The following ADGB variants were observed in gnomAD, a reference collection of about 807,000 sequenced individuals.
ADGB encodes androglobin.
A neutral mutation model predicts 210.5 loss-of-function variants in ADGB; 172 were observed. The ratio of observed to expected loss-of-function variants is 0.82; its 90% CI spans 0.72 to 0.93. ADGB has a LOEUF of 0.93. ADGB is among the 40% of genes least tolerant of loss of function. ADGB has a pLI of 0.00. For missense variants in ADGB, 2,025 were observed against 1,964.8 expected, an observed-to-expected ratio of 1.03 and a Z score of -0.58; for synonymous variants, 658 against 662.7, an observed-to-expected ratio of 0.99 and a Z score of 0.11.
At chr6:146,729,858 T>A (rs1776954198) in intron 20 of ADGB, among the ~76,000 whole-genome samples, 1 of 152,244 alleles carries the variant, frequency 6.6e-6, no homozygotes, top group South Asian at 2.1e-4. Context: ...TAGATTCTTA[T>A]GATTCTTTGT....
At chr6:146,633,690 C>T (rs1183598247) in intron 1 of ADGB, among the ~76,000 whole-genome samples, 1 of 152,008 alleles carries the variant, frequency 6.6e-6, no homozygotes, top group Non-Finnish European at 1.5e-5. Flanking sequence ...TAGATATTTT[C>T]CTTAACCATT....
chr6:146,752,442 C>A (rs571621585), intron 26 of ADGB, 88 bp from the exon 27 acceptor site: 2 of 1,206,964 alleles, frequency 1.7e-6, no homozygotes, highest in Admixed American at 5.4e-5. Flanking sequence ...CAGATTTGGG[C>A]AGGGACATAT....
rs1217972069 is a variant in ADGB, at chr6:146,807,698, TTC to T, written c.4818+5689_4818+5690del. 33 of 906,002 alleles carry T rather than the reference TTC, an allele frequency of 3.6e-5. No individual in the cohort carries two copies. In the African/African-American group the frequency reaches 4.5e-4, roughly 12 times the overall value. 56.1% of individuals were successfully genotyped at this position (906,002 alleles called of 1,614,324 possible). Reference sequence around the variant, plus strand: ...GCCAACTGAAAATAGAAATTGTTCTTTCTTAGAAATATTTTAATGCTAACTTG... The same window carrying T: ...GCCAACTGAAAATAGAAATTGTTCTTTTAGAAATATTTTAATGCTAACTTG... On this transcript the variant is annotated intron_variant, in intron 35 of 35. Coordinates refer to ENST00000397944, the MANE Select transcript of ADGB (RefSeq NM_024694.4).
chr6:146,673,116 G>A (rs1003097265), intron 8 of ADGB, among the ~76,000 whole-genome samples: 1 of 152,160 alleles, frequency 6.6e-6, no homozygotes, highest in Non-Finnish European at 1.5e-5. Flanking sequence ...GTAGTATTCT[G>A]TTGATTTAAA....
At chr6:146,768,861 C>T (rs941426949) in intron 28 of ADGB, among the ~76,000 whole-genome samples, 159 bp from the exon 29 acceptor site, 1 of 152,060 alleles carries the variant, frequency 6.6e-6, no homozygotes, top group Non-Finnish European at 1.5e-5. Context: ...TAAAGTGTAG[C>T]GTTACAGAGT....
intron 2 of ADGB, among the ~76,000 whole-genome samples, chr6:146,641,975 G>A (rs1182026499): frequency 1.3e-5 from 2 of 152,016 alleles, no homozygotes; most frequent in East Asian, 3.9e-4. Flanking sequence ...ACAAACTACA[G>A]AATGGGAGAA....
intron 30 of ADGB, among the ~76,000 whole-genome samples, chr6:146,783,782 A>G (rs1342907505): frequency 6.6e-6 from 1 of 152,138 alleles, no homozygotes; most frequent in Non-Finnish European, 1.5e-5. Flanking sequence ...CAATAGTTTC[A>G]ATCCTCTCTT....
At chr6:146,747,725 T>C (rs1178222512) in intron 26 of ADGB, among the ~76,000 whole-genome samples, 1 of 151,610 alleles carries the variant, frequency 6.6e-6, no homozygotes, top group Non-Finnish European at 1.5e-5. Flanking sequence ...TTATGTCGCA[T>C]AGCATGAATT....
intron 18 of ADGB, 86 bp from the exon 19 acceptor site, chr6:146,725,997 G>C: frequency 1.3e-6 from 1 of 746,938 alleles, no homozygotes. Flanking sequence ...CTTCATTTGA[G>C]TTCCAAAGTG....
intron 35 of ADGB, chr6:146,807,608 C>T: frequency 1.3e-6 from 2 of 1,520,808 alleles, no homozygotes; most frequent in Non-Finnish European, 8.8e-7. Flanking sequence ...TCCAATACCA[C>T]CCTGCTTCTG....
At position 146,656,809 on chromosome 6, in the gene ADGB, G is replaced by A. The variant is rs1775788576; in HGVS notation, c.441G>A (p.Trp147Ter). 1 of 1,550,514 alleles carries A rather than the reference G, an allele frequency of 6.4e-7. No individual in the cohort carries two copies. The highest frequency in any genetic ancestry group is 1.4e-5 in the African/African-American group (1 of 72,946). Residue 147 changes from tryptophan (W) to a stop codon, truncating the protein, a stop_gained, in exon 5 of 36, where the codon TGG (tryptophan) becomes TGA (stop). Coordinates refer to ENST00000397944, the MANE Select transcript of ADGB (RefSeq NM_024694.4). LOFTEE classifies it high-confidence loss of function. ...TTATCAGTGAAATCTATGCAGTGTGGAAGATCTTCAATGGAGGAATTTTGA... is the reference window on the plus strand; with the variant it reads ...TTATCAGTGAAATCTATGCAGTGTGAAAGATCTTCAATGGAGGAATTTTGA... Reference protein sequence around the residue: ...RWIISEIYAVWKIFNGGILSN... With the variant: ...RWIISEIYAV
At chr6:146,606,447 G>A (rs2114825027) in intron 1 of ADGB, among the ~76,000 whole-genome samples, 1 of 152,218 alleles carries the variant, frequency 6.6e-6, no homozygotes, top group South Asian at 2.1e-4. Context: ...TGCTTTTGGA[G>A]CCTTCATCAT....
At chr6:146,677,175 A>C (rs974662606) in intron 9 of ADGB, among the ~76,000 whole-genome samples, 7 of 152,122 alleles carry the variant, frequency 4.6e-5, no homozygotes, top group Non-Finnish European at 8.8e-5. Flanking sequence ...GCCTTTAAAC[A>C]AATTGTATCA....
At chr6:146,648,895 G>T (rs958494438) in intron 3 of ADGB, among the ~76,000 whole-genome samples, 69 of 151,638 alleles carry the variant, frequency 4.6e-4, no homozygotes, top group African/African-American at 1.6e-3. Context: ...ATCCTTAACT[G>T]TTTATCAGAT....
intron 7 of ADGB, among the ~76,000 whole-genome samples, chr6:146,669,302 A>G (rs1192710679): frequency 6.6e-6 from 1 of 151,964 alleles, no homozygotes; most frequent in Non-Finnish European, 1.5e-5. Flanking sequence ...GCACAGGGAA[A>G]CCAATTATTA....
At chr6:146,681,340 T>A (rs1016296180) in intron 9 of ADGB, among the ~76,000 whole-genome samples, 2 of 152,094 alleles carry the variant, frequency 1.3e-5, no homozygotes, top group African/African-American at 2.4e-5. Flanking sequence ...CCTTCTGCCA[T>A]GAGTAAAAGC....
intron 1 of ADGB, among the ~76,000 whole-genome samples, chr6:146,621,013 G>A (rs1014099925): frequency 6.6e-6 from 1 of 152,108 alleles, no homozygotes; most frequent in Admixed American, 6.6e-5. Flanking sequence ...CTTATGTTGA[G>A]CACCAGGACT....
intron 28 of ADGB, among the ~76,000 whole-genome samples, chr6:146,766,318 T>C (rs1328583398): frequency 1.3e-5 from 2 of 151,966 alleles, no homozygotes; most frequent in Admixed American, 1.3e-4. Context: ...TCCCAGCTAC[T>C]TCAGAGGCTG....
At chr6:146,724,354 A>G (rs1269051820) in intron 18 of ADGB, 27 bp downstream of exon 18, 2 of 1,488,878 alleles carry the variant, frequency 1.3e-6, no homozygotes, top group South Asian at 2.7e-5. Flanking sequence ...TTTTTCCCAT[A>G]ATAAAAATTG....
Sources: allele counts gnomAD v4.1 joint callset (sites outside exome capture counted in the v4.1 genomes callset), GRCh38; gene constraint gnomAD v4.1.1; transcripts MANE v1.5; gene names NCBI Gene and HGNC (gene_info 2026-07-23, HGNC 2026-07-21).